EPHA6: variants seen among roughly 807,000 people sequenced by gnomAD.
EPHA6 encodes ephrin type-A receptor 6.
EPHA6 carries 50 observed loss-of-function variants against 112.0 expected under a neutral mutation model. The ratio of observed to expected loss-of-function variants is 0.45; its 90% CI spans 0.36 to 0.56. The LOEUF is 0.56. Ranked by LOEUF, EPHA6 falls within the 20% of genes least tolerant of loss-of-function variation. EPHA6 has a pLI of 0.00. For missense variants in EPHA6, 1,280 were observed against 1,417.4 expected, an observed-to-expected ratio of 0.90 and a Z score of 1.56; for synonymous variants, 529 against 490.7, an observed-to-expected ratio of 1.08 and a Z score of -1.03.
At chr3:96,964,389 C>G (rs1271184125) in intron 2 of EPHA6, among the ~76,000 whole-genome samples, 1 of 152,112 alleles carries the variant, frequency 6.6e-6, no homozygotes, top group Admixed American at 6.6e-5. Flanking sequence ...TCACATTCTT[C>G]TTTGTTCATC....
chr3:97,006,175 T>C (rs1255580483), intron 3 of EPHA6, among the ~76,000 whole-genome samples: 1 of 152,214 alleles, frequency 6.6e-6, no homozygotes, highest in African/African-American at 2.4e-5. Context: ...TTGTTTGGAA[T>C]AATTTCAGAA....
chr3:97,696,439 G>T (rs1436061074), intron 14 of EPHA6, among the ~76,000 whole-genome samples: 2 of 152,148 alleles, frequency 1.3e-5, no homozygotes, highest in Non-Finnish European at 2.9e-5. Flanking sequence ...TTAACATTCT[G>T]TACCTTTTAG....
intron 4 of EPHA6, among the ~76,000 whole-genome samples, chr3:97,227,791 GT>G (rs1437770719): frequency 2.6e-5 from 4 of 152,200 alleles, no homozygotes; most frequent in Non-Finnish European, 5.9e-5. Flanking sequence ...CAAGGGTGGA[GT>G]TTTCAGCCCT....
intron 1 of EPHA6, among the ~76,000 whole-genome samples, chr3:96,838,394 T>C (rs1476055576): frequency 6.6e-6 from 1 of 152,162 alleles, no homozygotes; most frequent in South Asian, 2.1e-4. Context: ...GAATGATTTA[T>C]ATTCCTTTGG....
intron 5 of EPHA6, among the ~76,000 whole-genome samples, chr3:97,394,306 A>G (rs1163378501): frequency 6.6e-6 from 1 of 151,880 alleles, no homozygotes; most frequent in Non-Finnish European, 1.5e-5. Context: ...AAAATGTGAA[A>G]CTATGAAACT....
At chr3:97,277,364 T>C (rs1268530064) in intron 5 of EPHA6, among the ~76,000 whole-genome samples, 2 of 151,996 alleles carry the variant, frequency 1.3e-5, no homozygotes, top group Admixed American at 1.3e-4. Context: ...GCTTTTGAGC[T>C]GGGATGAGCC....
intron 11 of EPHA6, among the ~76,000 whole-genome samples, chr3:97,538,526 C>T (rs1016119956): frequency 2.0e-5 from 3 of 152,120 alleles, no homozygotes; most frequent in African/African-American, 7.2e-5. Context: ...AGAAGGAGAA[C>T]TCGATAGATG....
At chr3:97,490,352 T>C (rs903945572) in intron 10 of EPHA6, among the ~76,000 whole-genome samples, 3 of 152,184 alleles carry the variant, frequency 2.0e-5, no homozygotes, top group South Asian at 4.1e-4. Flanking sequence ...ATAGAATTTA[T>C]TATATGCCTT....
Position 96,814,629 on chromosome 3 carries a change from A to T in EPHA6, c.6A>T (p.Gln2His). The T allele has an allele frequency of 4.1e-6, 6 of 1,464,822 alleles. No homozygotes were observed. Among genetic ancestry groups the T allele is most frequent in the Non-Finnish European group, 5.4e-6 (6 of 1,108,490 alleles). The allele number at this position is 1,464,822 out of a possible 1,614,324, so 90.7% of individuals were successfully genotyped here. A position where few individuals can be genotyped will look rare whatever the true frequency, so the allele number is the denominator to read the frequency against. Reference protein sequence around the residue: MQFPSPPAARSS... With the variant: MHFPSPPAARSS... ...CAAGCGGGACACTGTGGTGGATGCA[A>T]TTCCCCTCGCCTCCAGCCGCGAGGA... is the stretch of plus-strand genomic sequence containing the variant. The change falls in exon 1 of 18, where the codon CAA (glutamine) becomes CAT (histidine). Residue 2 changes from glutamine (Q) to histidine (H), a missense_variant. This residue lies in a region of EPHA6 where 220 missense variants were observed against 171.5 expected (regional missense o/e 1.28). Transcript: ENST00000389672.
At chr3:97,203,201 A>G (rs2077624988) in intron 3 of EPHA6, among the ~76,000 whole-genome samples, 1 of 152,176 alleles carries the variant, frequency 6.6e-6, no homozygotes, top group African/African-American at 2.4e-5. Flanking sequence ...CACTCTGATC[A>G]TAGTGTCAAA....
At chr3:97,666,869 T>C (rs2030179550) in intron 14 of EPHA6, among the ~76,000 whole-genome samples, 3 of 152,222 alleles carry the variant, frequency 2.0e-5, no homozygotes, top group Admixed American at 1.3e-4. Flanking sequence ...CTTTAGTTTT[T>C]TAATTCAATA....
At chr3:97,498,151 A>G (rs1303546259) in intron 10 of EPHA6, among the ~76,000 whole-genome samples, 1 of 152,130 alleles carries the variant, frequency 6.6e-6, no homozygotes, top group African/African-American at 2.4e-5. Context: ...TATGCTCTTG[A>G]TGTATTAAAT....
intron 13 of EPHA6, 112 bp from the exon 14 acceptor site, chr3:97,637,761 G>A (rs1341880244): frequency 1.3e-6 from 1 of 774,238 alleles, no homozygotes; most frequent in African/African-American, 1.7e-5. Flanking sequence ...CACCAAAGTT[G>A]ATGCTTATCT....
chr3:97,422,817 T>A (rs2088782234), intron 6 of EPHA6, among the ~76,000 whole-genome samples: 1 of 152,148 alleles, frequency 6.6e-6, no homozygotes. Flanking sequence ...TCCACCATGA[T>A]CCATTAGGCT....
At chr3:97,443,884 C>T (rs2090229257) in intron 6 of EPHA6, among the ~76,000 whole-genome samples, 1 of 152,068 alleles carries the variant, frequency 6.6e-6, no homozygotes, top group African/African-American at 2.4e-5. Context: ...TACTTTGGCT[C>T]AGTCTAATCC....
At chr3:97,252,842 G>A (rs1030186003) in intron 5 of EPHA6, among the ~76,000 whole-genome samples, 2 of 152,188 alleles carry the variant, frequency 1.3e-5, no homozygotes, top group African/African-American at 4.8e-5. Context: ...TGGGAGAGCT[G>A]TGCATCTGCA....
At chr3:97,207,488 G>A (rs1419105935) in intron 3 of EPHA6, among the ~76,000 whole-genome samples, 1 of 152,150 alleles carries the variant, frequency 6.6e-6, no homozygotes, top group Non-Finnish European at 1.5e-5. Flanking sequence ...ACAAGTTTGT[G>A]TATGTTGATA....
chr3:97,221,666 C>G (rs1365537262), intron 3 of EPHA6, among the ~76,000 whole-genome samples: 1 of 152,138 alleles, frequency 6.6e-6, no homozygotes, highest in Admixed American at 6.5e-5. Flanking sequence ...ACACAGAATA[C>G]TTGTGCAATT....
At chr3:96,960,870 A>C (rs1327891056) in intron 2 of EPHA6, among the ~76,000 whole-genome samples, 1 of 152,144 alleles carries the variant, frequency 6.6e-6, no homozygotes, top group Non-Finnish European at 1.5e-5. Context: ...GAATAATCTC[A>C]TATCAATCGA....
Sources: gnomAD v4.1 joint callset for allele counts (sites outside exome capture counted in the v4.1 genomes callset) on GRCh38, gnomAD v4.1.1 for gene constraint, gnomAD v4.1.1 regional missense constraint, MANE v1.5 for transcripts, NCBI Gene and HGNC (gene_info 2026-07-23, HGNC 2026-07-21) for gene names.